Variants in TENM3 observed in about 807,000 individuals in gnomAD.
The protein encoded by TENM3 is teneurin-3.
A neutral mutation model predicts 255.1 loss-of-function variants in TENM3; 63 were observed. That is an observed-to-expected ratio of 0.25 (90% CI 0.20 to 0.30). The LOEUF is 0.30. Ranked by LOEUF, TENM3 falls within the 10% of genes least tolerant of loss-of-function variation. TENM3 has a pLI of 1.00. For missense variants in TENM3, 2,929 were observed against 3,461.1 expected, an observed-to-expected ratio of 0.85 and a Z score of 3.86; for synonymous variants, 1,306 against 1,322.3, an observed-to-expected ratio of 0.99 and a Z score of 0.27.
chr4:182,132,473 G>C, the TENM3 span, among the ~76,000 whole-genome samples: 1 of 152,078 alleles, frequency 6.6e-6, no homozygotes, highest in African/African-American at 2.4e-5. Flanking sequence ...CTGGGCAACA[G>C]AGCGAGAATC....
intron 22 of TENM3, among the ~76,000 whole-genome samples, chr4:182,761,601 T>TATAC (rs1036414543): frequency 9.2e-5 from 14 of 151,896 alleles, no homozygotes; most frequent in South Asian, 2.1e-4. Flanking sequence ...TATATATGTA[T>TATAC]ACACACACAC....
At chr4:181,605,544 A>T in the TENM3 span, among the ~76,000 whole-genome samples, 2,912 of 32,702 alleles carry the variant, frequency 0.089, 415 homozygotes, top group Non-Finnish European at 0.15. Flanking sequence ...GAAAGAAAGA[A>T]AGAAAGAAAG....
the TENM3 span, among the ~76,000 whole-genome samples, chr4:181,926,406 T>C: frequency 6.6e-6 from 1 of 152,154 alleles, no homozygotes; most frequent in African/African-American, 2.4e-5. Flanking sequence ...AAACTATGTG[T>C]GGTAGGGTGG....
chr4:182,491,505 G>A (rs1735296655), intron 3 of TENM3, among the ~76,000 whole-genome samples: 1 of 152,036 alleles, frequency 6.6e-6, no homozygotes, highest in Non-Finnish European at 1.5e-5. Context: ...GTTTTGGTAT[G>A]TAGAATATTT....
the TENM3 span, among the ~76,000 whole-genome samples, chr4:181,806,556 G>T: frequency 6.6e-6 from 1 of 152,306 alleles, no homozygotes; most frequent in South Asian, 2.1e-4. Flanking sequence ...TTTAAAAAGG[G>T]CTTCTTGGCT....
chr4:182,733,246 G>A (rs926430377), intron 16 of TENM3, among the ~76,000 whole-genome samples: 2 of 152,204 alleles, frequency 1.3e-5, no homozygotes, highest in Non-Finnish European at 2.9e-5. Context: ...TGTTCAAGGA[G>A]TGGCAAAAAG....
chr4:182,104,266 G>A, the TENM3 span, among the ~76,000 whole-genome samples: 1 of 152,246 alleles, frequency 6.6e-6, no homozygotes, highest in South Asian at 2.1e-4. Flanking sequence ...TGTCCCCGTG[G>A]AAACCAGAAA....
At chr4:181,814,154 A>G in the TENM3 span, among the ~76,000 whole-genome samples, 1 of 152,208 alleles carries the variant, frequency 6.6e-6, no homozygotes, top group Non-Finnish European at 1.5e-5. Context: ...ACAAGTATAT[A>G]AAACAGCAAT....
At chr4:182,139,133 C>A (rs969622961), upstream of TENM3, among the ~76,000 whole-genome samples, 3 of 152,194 alleles carry the variant, frequency 2.0e-5, no homozygotes, top group African/African-American at 7.2e-5. Flanking sequence ...TGAGCCCCTA[C>A]ACTCCAAGAG....
chr4:181,833,290 A>G, the TENM3 span, among the ~76,000 whole-genome samples: 1 of 151,878 alleles, frequency 6.6e-6, no homozygotes, highest in Non-Finnish European at 1.5e-5. Context: ...CAGCTGTCAA[A>G]TCTCTACCCT....
At chr4:182,662,456 A>G (rs939254627) in intron 6 of TENM3, among the ~76,000 whole-genome samples, 5 of 152,178 alleles carry the variant, frequency 3.3e-5, no homozygotes, top group African/African-American at 1.2e-4. Context: ...TTCCTAACCC[A>G]CAAGCTTTGA....
At chr4:182,505,680 A>G (rs1736740578) in intron 3 of TENM3, among the ~76,000 whole-genome samples, 1 of 151,914 alleles carries the variant, frequency 6.6e-6, no homozygotes, top group Admixed American at 6.6e-5. Flanking sequence ...GGGTTTCACC[A>G]TGTTGGCCAG....
chr4:181,599,988 G>GT, the TENM3 span, among the ~76,000 whole-genome samples: 5 of 152,142 alleles, frequency 3.3e-5, no homozygotes, highest in East Asian at 9.7e-4. Flanking sequence ...AATCGTGACT[G>GT]TATCGCCCTC....
intron 6 of TENM3, among the ~76,000 whole-genome samples, chr4:182,662,170 G>A (rs1431811439): frequency 6.6e-6 from 1 of 152,108 alleles, no homozygotes; most frequent in Non-Finnish European, 1.5e-5. Context: ...TATGAACTGG[G>A]TATCACATAA....
At chr4:181,903,006 T>C in the TENM3 span, among the ~76,000 whole-genome samples, 3 of 152,270 alleles carry the variant, frequency 2.0e-5, no homozygotes, top group South Asian at 2.1e-4. Flanking sequence ...AACTTTTCAA[T>C]TTTAAGTTTG....
chr4:182,319,896 T>C (rs1289342541), intron 1 of TENM3, among the ~76,000 whole-genome samples: 1 of 152,204 alleles, frequency 6.6e-6, no homozygotes, highest in Non-Finnish European at 1.5e-5. Context: ...GCAGATCACC[T>C]GACGTCAGGA....
At chr4:182,239,952 T>C (rs114050871), upstream of TENM3, among the ~76,000 whole-genome samples, 1,678 of 152,122 alleles carry the variant, frequency 0.011, 24 homozygotes, top group African/African-American at 0.038. Context: ...CTCAGAGAAA[T>C]AGATTCAGGA....
intron 1 of TENM3, among the ~76,000 whole-genome samples, chr4:182,250,301 C>T (rs539211374): frequency 6.6e-6 from 1 of 152,226 alleles, no homozygotes; most frequent in East Asian, 1.9e-4. Context: ...ATCCACCCGC[C>T]TTAGCCTCCC....
intron 5 of TENM3, among the ~76,000 whole-genome samples, chr4:182,634,707 TAAAAAAA>T (rs11395245): frequency 8.6e-6 from 1 of 116,416 alleles, no homozygotes; most frequent in Non-Finnish European, 1.8e-5. Context: ...ACTCTGAAAT[TAAAAAAA>T]AAAAAAAAAA....
Sources: gnomAD v4.1 joint callset for allele counts (sites outside exome capture counted in the v4.1 genomes callset) on GRCh38, gnomAD v4.1.1 for gene constraint, MANE v1.5 for transcripts, NCBI Gene and HGNC (gene_info 2026-07-23, HGNC 2026-07-21) for gene names.